SANBR: variants seen among roughly 807,000 people sequenced by gnomAD.
SANBR encodes SANT and BTB domain regulator of CSR, also known as SANT and BTB domain regulator of class switch recombination.
Under a neutral mutation model 101.8 loss-of-function variants are expected in SANBR, and 77 were observed. That is an observed-to-expected ratio of 0.76 (90% CI 0.63 to 0.91). SANBR has a LOEUF of 0.91. Ranked by LOEUF, SANBR falls within the 40% of genes least tolerant of loss-of-function variation. SANBR has a pLI of 0.00. For synonymous variants in SANBR, 279 were observed against 274.7 expected, an observed-to-expected ratio of 1.02 and a Z score of -0.15; for missense variants, 875 against 853.0, an observed-to-expected ratio of 1.03 and a Z score of -0.32.
intron 20 of SANBR, among the ~76,000 whole-genome samples, chr2:61,133,838 G>A (rs1684761700): frequency 6.6e-6 from 1 of 152,140 alleles, no homozygotes; most frequent in African/African-American, 2.4e-5. Context: ...TCTCTTTGAG[G>A]TGATGAAAAT....
intron 21 of SANBR, among the ~76,000 whole-genome samples, chr2:61,136,914 G>T (rs1409291752): frequency 1.3e-5 from 2 of 151,468 alleles, no homozygotes; most frequent in African/African-American, 4.9e-5. Flanking sequence ...AGGTTGCAGT[G>T]AGCCGAGATC....
intron 2 of SANBR, among the ~76,000 whole-genome samples, 194 bp downstream of exon 2, chr2:61,069,179 A>AT (rs1430733313): frequency 6.6e-6 from 1 of 152,214 alleles, no homozygotes; most frequent in Non-Finnish European, 1.5e-5. Context: ...AGCGTACCAC[A>AT]TTCACGACCC....
intron 20 of SANBR, among the ~76,000 whole-genome samples, chr2:61,131,369 A>T (rs571860669): frequency 1.3e-5 from 2 of 152,258 alleles, no homozygotes; most frequent in Non-Finnish European, 2.9e-5. Flanking sequence ...TAGGATCAAT[A>T]TGAAGAAATC....
intron 7 of SANBR, among the ~76,000 whole-genome samples, 184 bp from the exon 8 acceptor site, chr2:61,082,970 A>G (rs1682219608): frequency 6.6e-6 from 1 of 152,242 alleles, no homozygotes; most frequent in South Asian, 2.1e-4. Flanking sequence ...ATGTTGTTAC[A>G]AATTTGACCT....
Position 61,083,209 on chromosome 2 carries a change from C to G in SANBR, c.785C>G (p.Pro262Arg). ...AATATGAATGCCATAGTAGCTACCCCATGCAACATGAACTGTATTAATGCA... is the reference window on the plus strand; with the variant it reads ...AATATGAATGCCATAGTAGCTACCCGATGCAACATGAACTGTATTAATGCA... Reference protein sequence around the residue: ...HKNMNAIVATPCNMNCINANL... With the variant: ...HKNMNAIVATRCNMNCINANL... The change falls in exon 8 of 22, where the codon CCA becomes CGA. Residue 262 changes from proline to arginine, a missense_variant. Pro to Arg is a moderately radical substitution (Grantham distance 103). Transcript: ENST00000402291. 1 of 1,611,310 alleles carries G rather than the reference C, an allele frequency of 6.2e-7. No individual in the cohort carries two copies. Among genetic ancestry groups the G allele is most frequent in the Non-Finnish European group, 8.5e-7 (1 of 1,177,534 alleles).
chr2:61,116,197 A>G, intron 17 of SANBR, 127 bp downstream of exon 17: 2 of 618,224 alleles, frequency 3.2e-6, no homozygotes, highest in East Asian at 5.6e-5. Flanking sequence ...AGTTTTTTAT[A>G]GACTGAGATT....
At chr2:61,113,685 A>G (rs1477343856) in intron 16 of SANBR, among the ~76,000 whole-genome samples, 1 of 152,166 alleles carries the variant, frequency 6.6e-6, no homozygotes, top group Non-Finnish European at 1.5e-5. Flanking sequence ...ACCTTGCTAA[A>G]TTCAGTTATT....
intron 8 of SANBR, among the ~76,000 whole-genome samples, chr2:61,087,852 A>G (rs28525071): frequency 0.063 from 9,459 of 150,056 alleles, 1,022 homozygotes; most frequent in African/African-American, 0.22. Flanking sequence ...CTCTGTCTCA[A>G]AAAAAAAAAG....
chr2:61,094,974 A>G (rs1429161551), intron 11 of SANBR, among the ~76,000 whole-genome samples: 1 of 152,104 alleles, frequency 6.6e-6, no homozygotes, highest in East Asian at 1.9e-4. Context: ...TAGGAGTAGG[A>G]TTGCTGGTTT....
intron 10 of SANBR, among the ~76,000 whole-genome samples, chr2:61,090,144 A>G (rs1403926549): frequency 2.0e-5 from 3 of 152,184 alleles, no homozygotes; most frequent in African/African-American, 7.2e-5. Context: ...AGCAAAACAA[A>G]GTTATGAAAA....
chr2:61,070,414 A>G lies in SANBR; in HGVS notation c.64A>G (p.Met22Val), dbSNP rs1399682868. ...CAATAATAACCAAATGGTATTGGAC[A>G]TGATCCTTTATCCATTAATTGGAAT... Reference protein sequence around the residue: ...LNNNNQMVLDMILYPLIGIPQ... With the variant: ...LNNNNQMVLDVILYPLIGIPQ... The change falls in exon 3 of 22, where the codon ATG (methionine) becomes GTG (valine). Residue 22 changes from methionine to valine, a missense_variant. Met to Val is a conservative substitution (Grantham distance 21). Transcript: ENST00000402291. 1 of 1,602,098 alleles carries G rather than the reference A, an allele frequency of 6.2e-7. No homozygotes were observed. Among genetic ancestry groups the G allele is most frequent in the Non-Finnish European group, 8.5e-7 (1 of 1,174,836 alleles).
chr2:61,115,183 A>G (rs1684014608), intron 16 of SANBR, among the ~76,000 whole-genome samples: 5 of 152,162 alleles, frequency 3.3e-5, no homozygotes, highest in Admixed American at 3.3e-4. Flanking sequence ...CTTTTGTTAT[A>G]GGAAGGCTTT....
At chr2:61,100,652 CT>C (rs1356918272) in intron 12 of SANBR, among the ~76,000 whole-genome samples, 1 of 152,116 alleles carries the variant, frequency 6.6e-6, no homozygotes, top group African/African-American at 2.4e-5. Context: ...CAATCCAATG[CT>C]TTTTCTGTTC....
intron 2 of SANBR, 127 bp from the exon 3 acceptor site, chr2:61,070,215 G>A: frequency 1.7e-6 from 1 of 584,542 alleles, no homozygotes; most frequent in Non-Finnish European, 2.8e-6. Context: ...TTTATTTTAG[G>A]TCAGTTTTAC....
intron 16 of SANBR, among the ~76,000 whole-genome samples, chr2:61,111,108 C>T (rs1257940477): frequency 2.0e-5 from 3 of 151,938 alleles, no homozygotes; most frequent in Non-Finnish European, 4.4e-5. Context: ...AAAAAACATG[C>T]TGCAGCCAGG....
In SANBR at chr2:61,094,170, C is replaced by A. The variant is rs146405010; in HGVS notation, c.1212+1583C>A. On this transcript the variant is annotated intron_variant, in intron 11 of 21. Coordinates refer to ENST00000402291, the MANE Select transcript of SANBR (RefSeq NM_001129993.3). ...AGTATTATATACAGTAAAATGCATCCTTTTTGTGAGTTTCGACAGTGCTTA... is the reference window on the plus strand; with the variant it reads ...AGTATTATATACAGTAAAATGCATCATTTTTGTGAGTTTCGACAGTGCTTA... 1.6e-5 allele frequency: 10 copies of A among 618,036 alleles called. No individual in the cohort carries two copies. The East Asian group carries it at 9.8e-4, about 60-fold the overall frequency. The allele number at this position is 618,036 out of a possible 1,614,324, so 38.3% of individuals were successfully genotyped here.
At chr2:61,116,177 G>A (rs1051631567) in intron 17 of SANBR, 107 bp downstream of exon 17, 7 of 745,936 alleles carry the variant, frequency 9.4e-6, no homozygotes, top group Non-Finnish European at 1.5e-5. Context: ...TGCTAGCAAT[G>A]TAAAAATGAA....
At chr2:61,134,142 C>A (rs778372853) in exon 21 of SANBR, 23 of 1,613,962 alleles carry the variant, frequency 1.4e-5, no homozygotes, top group Non-Finnish European at 1.8e-5. Context: ...TACAGACAGA[C>A]AAACTGAGAC....
chr2:61,079,967 G>A (rs1303118924), intron 6 of SANBR, among the ~76,000 whole-genome samples: 1 of 151,322 alleles, frequency 6.6e-6, no homozygotes, highest in Admixed American at 6.6e-5. Flanking sequence ...GGAGGCCGAG[G>A]CGGACGGATC....
Sources: gnomAD v4.1 joint callset for allele counts (sites outside exome capture counted in the v4.1 genomes callset) on GRCh38, gnomAD v4.1.1 for gene constraint, MANE v1.5 for transcripts, NCBI Gene and HGNC (gene_info 2026-07-23, HGNC 2026-07-21) for gene names.